Variants in SLC9A9 observed in about 807,000 individuals in gnomAD.
SLC9A9 encodes the protein sodium/hydrogen exchanger 9.
SLC9A9 carries 62 observed loss-of-function variants against 77.8 expected under a neutral mutation model. That is an observed-to-expected ratio of 0.80 (90% CI 0.65 to 0.98). The LOEUF is 0.98. Ranked by LOEUF, SLC9A9 falls within the 50% of genes least tolerant of loss-of-function variation. SLC9A9 has a pLI of 0.00. For missense variants in SLC9A9, 775 were observed against 774.9 expected, an observed-to-expected ratio of 1.00 and a Z score of 0.00; for synonymous variants, 320 against 283.5, an observed-to-expected ratio of 1.13 and a Z score of -1.29.
chr3:143,550,676 T>G (rs1009213193), intron 9 of SLC9A9, among the ~76,000 whole-genome samples: 34 of 152,100 alleles, frequency 2.2e-4, no homozygotes, highest in Non-Finnish European at 2.1e-4. Flanking sequence ...TACAAGCTGA[T>G]GCACCCAGTC....
At chr3:143,530,272 T>TG (rs1453510039) in intron 9 of SLC9A9, among the ~76,000 whole-genome samples, 1 of 152,188 alleles carries the variant, frequency 6.6e-6, no homozygotes, top group Admixed American at 6.5e-5. Context: ...CCACATATTG[T>TG]GGGGGGGACC....
At chr3:143,426,749 G>A (rs963391656) in intron 12 of SLC9A9, among the ~76,000 whole-genome samples, 2 of 152,222 alleles carry the variant, frequency 1.3e-5, no homozygotes, top group Non-Finnish European at 2.9e-5. Flanking sequence ...ATAATTATGA[G>A]AGCTAACATT....
intron 1 of SLC9A9, among the ~76,000 whole-genome samples, chr3:143,835,570 C>T (rs1279418447): frequency 6.6e-6 from 1 of 152,218 alleles, no homozygotes; most frequent in African/African-American, 2.4e-5. Flanking sequence ...TTAATGTACA[C>T]TGACACAATA....
rs966168974 is a variant in SLC9A9, at chr3:143,266,502, T to C, written c.*200A>G. 112 of 625,498 alleles carry C rather than the reference T, an allele frequency of 1.8e-4. No individual in the cohort carries two copies. Among genetic ancestry groups the C allele is most frequent in the Admixed American group, 1.3e-4 (5 of 37,472 alleles). 38.7% of individuals were successfully genotyped at this position (625,498 alleles called of 1,614,324 possible). On this transcript the variant is annotated 3_prime_UTR_variant, in exon 16 of 16. Coordinates refer to ENST00000316549, the MANE Select transcript of SLC9A9 (RefSeq NM_173653.4). Reference sequence around the variant, plus strand: ...GAATGGCTGCTGTCAAAAAACTAAATTCATTTGCATAATAGAGAGGGATAA... The same window carrying C: ...GAATGGCTGCTGTCAAAAAACTAAACTCATTTGCATAATAGAGAGGGATAA...
chr3:143,769,055 T>C (rs972772601), intron 4 of SLC9A9, among the ~76,000 whole-genome samples: 2 of 152,132 alleles, frequency 1.3e-5, no homozygotes, highest in Non-Finnish European at 2.9e-5. Context: ...TCCTCACTTG[T>C]ATGGGGAGAA....
At chr3:143,465,660 C>T (rs772266905) in intron 12 of SLC9A9, among the ~76,000 whole-genome samples, 22 of 152,118 alleles carry the variant, frequency 1.4e-4, no homozygotes, top group Non-Finnish European at 2.5e-4. Flanking sequence ...AAGGATCTAC[C>T]TATTGAATTT....
At chr3:143,813,436 C>T (rs1028188190) in intron 2 of SLC9A9, among the ~76,000 whole-genome samples, 5 of 152,140 alleles carry the variant, frequency 3.3e-5, no homozygotes, top group East Asian at 3.9e-4. Context: ...AGTGACTAGT[C>T]TGATTGGTGA....
In SLC9A9 at chr3:143,266,698, C is replaced by T; in HGVS notation, c.*4G>A. The T allele has an allele frequency of 6.2e-7, 1 of 1,614,008 alleles. No homozygotes were observed. The highest frequency in any genetic ancestry group is 8.5e-7 in the Non-Finnish European group (1 of 1,179,942). ...TGTGATTACATCTGTACTCTTCATGCCAATTAATTCAACTGGGATTGACCC... is the reference window on the plus strand; with the variant it reads ...TGTGATTACATCTGTACTCTTCATGTCAATTAATTCAACTGGGATTGACCC... On this transcript the variant is annotated 3_prime_UTR_variant, in exon 16 of 16. Coordinates refer to ENST00000316549, the MANE Select transcript of SLC9A9 (RefSeq NM_173653.4).
At chr3:143,687,144 G>A (rs1015802531) in intron 5 of SLC9A9, among the ~76,000 whole-genome samples, 1 of 152,070 alleles carries the variant, frequency 6.6e-6, no homozygotes, top group Non-Finnish European at 1.5e-5. Context: ...GAGCTAAATC[G>A]AAAATTGGCT....
intron 6 of SLC9A9, among the ~76,000 whole-genome samples, chr3:143,588,167 T>G (rs1180553372): frequency 6.6e-6 from 1 of 152,208 alleles, no homozygotes; most frequent in Non-Finnish European, 1.5e-5. Flanking sequence ...ATAAAAGAGT[T>G]ACTTGCCAGG....
intron 14 of SLC9A9, among the ~76,000 whole-genome samples, chr3:143,350,907 C>T (rs1489774992): frequency 6.6e-6 from 1 of 152,162 alleles, no homozygotes. Flanking sequence ...ATCTTTTTCT[C>T]AAAGTTCAGC....
intron 1 of SLC9A9, among the ~76,000 whole-genome samples, chr3:143,844,781 CTT>C (rs971362705): frequency 2.3e-5 from 3 of 131,896 alleles, no homozygotes; most frequent in Non-Finnish European, 4.9e-5. Context: ...TTCTTTCTTT[CTT>C]TCTTTCTGAC....
chr3:143,341,239 G>C (rs2032087922), intron 14 of SLC9A9, among the ~76,000 whole-genome samples: 1 of 152,042 alleles, frequency 6.6e-6, no homozygotes, highest in African/African-American at 2.4e-5. Flanking sequence ...TTGGAGTAGT[G>C]GGGGCTTAAG....
chr3:143,522,196 T>A (rs2036313094), intron 9 of SLC9A9, among the ~76,000 whole-genome samples: 1 of 152,198 alleles, frequency 6.6e-6, no homozygotes. Context: ...TTTCTCCATC[T>A]AAAACACACC....
intron 4 of SLC9A9, among the ~76,000 whole-genome samples, chr3:143,706,317 A>T (rs949332524): frequency 1.3e-5 from 2 of 152,134 alleles, no homozygotes; most frequent in Non-Finnish European, 2.9e-5. Context: ...CTGTAGCTCT[A>T]CTTGTGGATT....
chr3:143,385,009 G>C (rs1262666007), intron 12 of SLC9A9, among the ~76,000 whole-genome samples: 1 of 152,182 alleles, frequency 6.6e-6, no homozygotes, highest in Non-Finnish European at 1.5e-5. Context: ...GTGTGTAAGG[G>C]GGATATTCTA....
At chr3:143,568,788 T>C (rs74883394) in intron 8 of SLC9A9, among the ~76,000 whole-genome samples, 2,988 of 152,304 alleles carry the variant, frequency 0.02, 99 homozygotes, top group African/African-American at 0.069. Flanking sequence ...GTCTAACTTC[T>C]GCCCATTAAT....
chr3:143,540,601 C>T (rs369229122), intron 9 of SLC9A9, among the ~76,000 whole-genome samples: 4 of 152,214 alleles, frequency 2.6e-5, no homozygotes, highest in Non-Finnish European at 2.9e-5. Flanking sequence ...ATCAGGATCA[C>T]GTGTAAAGTT....
chr3:143,294,177 T>C, intron 14 of SLC9A9, among the ~76,000 whole-genome samples: 1 of 152,214 alleles, frequency 6.6e-6, no homozygotes, highest in Non-Finnish European at 1.5e-5. Context: ...AAATACAGTA[T>C]TGATTTTTTA....
Sources: gnomAD v4.1 joint callset for allele counts (sites outside exome capture counted in the v4.1 genomes callset) on GRCh38, gnomAD v4.1.1 for gene constraint, MANE v1.5 for transcripts, NCBI Gene and HGNC (gene_info 2026-07-23, HGNC 2026-07-21) for gene names.